Variants in OPHN1 observed in about 807,000 individuals in gnomAD.
The protein encoded by OPHN1 is oligophrenin 1.
Under a neutral mutation model 60.7 loss-of-function variants are expected in OPHN1, and 11 were observed. The observed-to-expected ratio is 0.18, with a 90% CI of 0.11 to 0.30. The LOEUF is 0.30. OPHN1 is among the 10% of genes least tolerant of loss of function. OPHN1 has a pLI of 1.00. For missense variants in OPHN1, 449 were observed against 611.0 expected (o/e 0.73, Z 2.80); for synonymous variants, 226 against 222.6 (o/e 1.02, Z -0.14).
At chrX:68,222,230 T>C (rs1324859168) in intron 6 of OPHN1, among the ~76,000 whole-genome samples, 1 of 108,415 alleles carries the variant, frequency 9.2e-6, no homozygotes, top group East Asian at 2.9e-4. Flanking sequence ...CACAATGAGA[T>C]ACCATCTCAC....
chrX:68,213,999 C>T, intron 6 of OPHN1, 27 bp from the exon 7 acceptor site: 1 of 879,408 alleles, frequency 1.1e-6, no homozygotes, highest in Non-Finnish European at 1.7e-6. Flanking sequence ...ACAAACATTA[C>T]ATATTGGGAT....
At position 68,426,699 on chromosome X, in the gene OPHN1, CAA is replaced by C. The variant is rs778079057; in HGVS notation, c.154+6166_154+6167del. Among the ~76,000 whole-genome samples, 6 of 36,728 alleles carry C rather than the reference CAA, an allele frequency of 1.6e-4. No homozygotes were observed. The South Asian group carries it at 0.011, about 70-fold the overall frequency. 31.9% of individuals were successfully genotyped at this position (36,728 alleles called of 115,157 possible). ...GCAACATGGCAGGACCGCATCTCTC[CAA>C]AAAAAAAAAAAAAAAATTAGTTAGC... On this transcript the variant is annotated intron_variant, in intron 2 of 24. Coordinates refer to ENST00000355520, the MANE Select transcript of OPHN1 (RefSeq NM_002547.3).
At chrX:68,197,420 A>G (rs2077517370) in intron 11 of OPHN1, among the ~76,000 whole-genome samples, 156 bp from the exon 12 acceptor site, 1 of 111,385 alleles carries the variant, frequency 9.0e-6, no homozygotes, top group Non-Finnish European at 1.9e-5. Context: ...TACTCAAGAA[A>G]ACAATAGGCA....
At chrX:68,060,224 G>A (rs1477662323) in intron 21 of OPHN1, among the ~76,000 whole-genome samples, 1 of 111,209 alleles carries the variant, frequency 9.0e-6, no homozygotes, top group African/African-American at 3.3e-5. Context: ...CCCCCCAAAA[G>A]TAAGTGGTCC....
Position 68,043,837 on chromosome X carries a change from T to C in OPHN1, c.*3335A>G, listed in dbSNP as rs184764527. 13 of 112,226 alleles carry C rather than the reference T, an allele frequency of 1.2e-4. No homozygotes were observed. The East Asian group carries it at 3.7e-3, about 32-fold the overall frequency. The allele number at this position is 112,226 out of a possible 1,213,427, so 9.2% of individuals were successfully genotyped here. On this transcript the variant is annotated 3_prime_UTR_variant, in exon 25 of 25. Transcript: ENST00000355520. ...GATTTGACCCCAATACATCAAGTAC[T>C]GCAGAGGCACCAAGACCTTTTCTGC...
chrX:68,099,849 G>A (rs1203490357), intron 18 of OPHN1, among the ~76,000 whole-genome samples: 1 of 111,647 alleles, frequency 9.0e-6, no homozygotes, highest in Non-Finnish European at 1.9e-5. Context: ...ATATATTTCT[G>A]GTCTGGACCT....
intron 18 of OPHN1, among the ~76,000 whole-genome samples, chrX:68,102,381 G>A (rs748046120): frequency 1.8e-5 from 2 of 111,782 alleles, no homozygotes; most frequent in Admixed American, 9.5e-5. Flanking sequence ...AGCAGTATTC[G>A]CAGGGAAATT....
At chrX:68,070,412 C>T (rs2076928891) in intron 20 of OPHN1, 1 of 522,334 alleles carries the variant, frequency 1.9e-6, no homozygotes, top group African/African-American at 2.2e-5. Context: ...ATCTCTTGGC[C>T]ACTAGCTGAA....
chrX:68,057,340 A>T (rs1486347497), intron 21 of OPHN1, among the ~76,000 whole-genome samples: 1 of 111,920 alleles, frequency 8.9e-6, no homozygotes, highest in Admixed American at 9.5e-5. Context: ...CCATTAAGCC[A>T]TATGATGTTG....
chrX:68,094,441 G>C (rs913881724), intron 19 of OPHN1, among the ~76,000 whole-genome samples: 2 of 111,374 alleles, frequency 1.8e-5, no homozygotes, highest in Non-Finnish European at 3.8e-5. Context: ...GTATTATCTT[G>C]TCTTTATCTA....
chrX:68,159,701 A>AT (rs936463662), intron 15 of OPHN1, among the ~76,000 whole-genome samples: 3 of 111,909 alleles, frequency 2.7e-5, no homozygotes, highest in African/African-American at 9.7e-5. Context: ...GCTACAGCTC[A>AT]GGAAAATTTA....
chrX:68,217,201 G>A (rs977958284), intron 6 of OPHN1, among the ~76,000 whole-genome samples: 2 of 112,024 alleles, frequency 1.8e-5, no homozygotes, highest in Non-Finnish European at 1.9e-5. Flanking sequence ...ACTCCCACCC[G>A]AATACTGCGC....
At chrX:68,211,288 T>C (rs1017173345) in intron 8 of OPHN1, among the ~76,000 whole-genome samples, 5 of 112,453 alleles carry the variant, frequency 4.4e-5, no homozygotes, top group Non-Finnish European at 7.5e-5. Context: ...TTAACACCCA[T>C]TCTAAAGTCA....
chrX:68,398,342 T>C (rs763098154), intron 2 of OPHN1, among the ~76,000 whole-genome samples: 1 of 112,172 alleles, frequency 8.9e-6, no homozygotes, highest in African/African-American at 3.2e-5. Flanking sequence ...TTAATTGTTT[T>C]CAGCTGCAAC....
intron 2 of OPHN1, among the ~76,000 whole-genome samples, chrX:68,419,425 C>A (rs1377942801): frequency 9.0e-6 from 1 of 110,913 alleles, no homozygotes. Context: ...ACTCAACATT[C>A]ACAGGTAACT....
intron 6 of OPHN1, among the ~76,000 whole-genome samples, chrX:68,227,891 G>C (rs1569251146): frequency 1.9e-5 from 2 of 107,639 alleles, no homozygotes; most frequent in African/African-American, 6.8e-5. Context: ...CAGAAGGGAA[G>C]AAATAACTAA....
intron 15 of OPHN1, among the ~76,000 whole-genome samples, chrX:68,157,743 T>C (rs1392037882): frequency 2.7e-5 from 3 of 111,635 alleles, no homozygotes; most frequent in Non-Finnish European, 3.8e-5. Flanking sequence ...ATAAAAAGTC[T>C]ACTTTGTGCA....
At chrX:68,357,358 T>C (rs1196183467) in intron 2 of OPHN1, among the ~76,000 whole-genome samples, 4 of 111,290 alleles carry the variant, frequency 3.6e-5, no homozygotes, top group African/African-American at 9.8e-5. Context: ...CCCATTAACT[T>C]GTCATTTAGC....
chrX:68,430,067 G>A (rs1458993994), intron 2 of OPHN1, among the ~76,000 whole-genome samples: 1 of 111,517 alleles, frequency 9.0e-6, no homozygotes, highest in Non-Finnish European at 1.9e-5. Flanking sequence ...AGTGATTTGT[G>A]TTAGATCCCA....
Sources: gnomAD v4.1 joint callset for allele counts (sites outside exome capture counted in the v4.1 genomes callset) on GRCh38, gnomAD v4.1.1 for gene constraint, MANE v1.5 for transcripts, NCBI Gene and HGNC (gene_info 2026-07-23, HGNC 2026-07-21) for gene names.